Variants in SH3TC2 observed in about 807,000 individuals in gnomAD.
The protein encoded by SH3TC2 is SH3 domain and tetratricopeptide repeats 2.
SH3TC2 carries 87 observed loss-of-function variants against 124.5 expected under a neutral mutation model. That is an observed-to-expected ratio of 0.70 (90% CI 0.59 to 0.84). SH3TC2 has a LOEUF of 0.84. Among genes scored for constraint, SH3TC2 ranks in the 40% least tolerant of loss-of-function variants. The probability of loss-of-function intolerance (pLI) is 0.00; values close to 1 mark genes in which losing one functional copy is unlikely to be tolerated. For missense variants in SH3TC2, 1,536 were observed against 1,566.4 expected, an observed-to-expected ratio of 0.98 and a Z score of 0.33; for synonymous variants, 634 against 628.5, an observed-to-expected ratio of 1.01 and a Z score of -0.13.
Position 149,041,607 on chromosome 5 carries a change from G to A in SH3TC2, c.540C>T (p.Phe180=). The change falls in exon 6 of 17, where the codon TTC becomes TTT. Residue 180 remains phenylalanine (F), a synonymous_variant. Coordinates refer to ENST00000515425, the MANE Select transcript of SH3TC2 (RefSeq NM_024577.4). ...LGLLIQEGHF[F]CRALCSVTPP... ...GAGTCACGGAGCACAGGGCTCTGCA[G>A]AAGAAGTGGCCTGTGGATAATGAGA... The A allele has an allele frequency of 6.2e-7, 1 of 1,614,010 alleles. No individual in the cohort carries two copies. The highest frequency in any genetic ancestry group is 8.5e-7 in the Non-Finnish European group (1 of 1,179,850).
intron 1 of SH3TC2, among the ~76,000 whole-genome samples, chr5:149,053,128 G>A (rs567410713): frequency 3.3e-5 from 5 of 152,304 alleles, no homozygotes; most frequent in African/African-American, 1.2e-4. Flanking sequence ...ACCACTATTT[G>A]TGAGTCACTC....
At position 148,990,717 on chromosome 5, in the gene SH3TC2, T is replaced by C. The variant is rs2127388066; in HGVS notation, c.*13994A>G. On this transcript the variant is annotated 3_prime_UTR_variant, in exon 17 of 17. Transcript: ENST00000515425. ...GCATTCAAAGAATTTAATCCAATGC[T>C]TTATACACCATAAATGCTCAGTAAA... 6.6e-6 allele frequency among the ~76,000 whole-genome samples: 1 copy of C among 152,346 alleles called. No individual in the cohort carries two copies. Among genetic ancestry groups the C allele is most frequent in the African/African-American group, 2.4e-5 (1 of 41,572 alleles).
chr5:148,986,029 C>T lies in SH3TC2; in HGVS notation c.*18682G>A, dbSNP rs990217369. Among the ~76,000 whole-genome samples, 4 of 152,102 alleles carry T rather than the reference C, an allele frequency of 2.6e-5. No homozygotes were observed. Among genetic ancestry groups the T allele is most frequent in the Non-Finnish European group, 4.4e-5 (3 of 68,022 alleles). On this transcript the variant is annotated 3_prime_UTR_variant, in exon 17 of 17. Coordinates refer to ENST00000515425, the MANE Select transcript of SH3TC2 (RefSeq NM_024577.4). ...TTTGAAAAACACATAAATGCAGAATCTTGGTGTTTAAAAGGAAATTAGAAC... is the reference window on the plus strand; with the variant it reads ...TTTGAAAAACACATAAATGCAGAATTTTGGTGTTTAAAAGGAAATTAGAAC...
rs1437191788 is a variant in SH3TC2, at chr5:149,027,176, C to A, written c.2556G>T (p.Val852=). 1.2e-6 allele frequency: 2 copies of A among 1,614,070 alleles called. No individual in the cohort carries two copies. Among genetic ancestry groups the A allele is most frequent in the Non-Finnish European group, 1.7e-6 (2 of 1,180,046 alleles). The stretch of plus-strand genomic sequence containing the variant: ...GAAGATAGCTCTTGGCTGCCCTGTT[C>A]ACCCGGCCTTCACCTTGGAGTGCAA... ...LGLALQGEGR[V]NRAAKSYLRA... Residue 852 remains valine, a synonymous_variant, in exon 11 of 17, where the codon GTG becomes GTT. Coordinates refer to ENST00000515425, the MANE Select transcript of SH3TC2 (RefSeq NM_024577.4).
intron 15 of SH3TC2, 166 bp downstream of exon 15, chr5:149,008,685 C>T (rs1753731881): frequency 2.2e-6 from 2 of 899,942 alleles, no homozygotes; most frequent in Non-Finnish European, 3.6e-6. Context: ...AAGCTTGAGG[C>T]TTATAGAAGT....
chr5:149,045,223 T>C (rs1052430183), intron 3 of SH3TC2: 1 of 152,662 alleles, frequency 6.6e-6, no homozygotes. Context: ...CTATTTCACA[T>C]ATATAGAATC....
intron 13 of SH3TC2, among the ~76,000 whole-genome samples, chr5:149,012,184 A>G (rs747604350): frequency 6.6e-6 from 1 of 152,210 alleles, no homozygotes; most frequent in Non-Finnish European, 1.5e-5. Flanking sequence ...AAACAAAAAA[A>G]TAAGAGAATA....
At position 148,986,893 on chromosome 5, in the gene SH3TC2, T is replaced by A. The variant is rs183842928; in HGVS notation, c.*17818A>T. On this transcript the variant is annotated 3_prime_UTR_variant, in exon 17 of 17. Coordinates refer to ENST00000515425, the MANE Select transcript of SH3TC2 (RefSeq NM_024577.4). ...AGTTACACCCAAAAAATGCTGAGAT[T>A]ATTTAACAATGCAATAATATGAGGT... 6.6e-6 allele frequency among the ~76,000 whole-genome samples: 1 copy of A among 152,356 alleles called. No individual in the cohort carries two copies. Among genetic ancestry groups the A allele is most frequent in the East Asian group, 1.9e-4 (1 of 5,184 alleles).
intron 12 of SH3TC2, among the ~76,000 whole-genome samples, chr5:149,023,511 A>G (rs996095694): frequency 6.6e-5 from 10 of 151,992 alleles, no homozygotes; most frequent in African/African-American, 2.4e-4. Context: ...TTACTTCAGG[A>G]AAGTATCAAG....
intron 15 of SH3TC2, chr5:149,008,272 T>C (rs1288647462): frequency 6.3e-6 from 1 of 158,390 alleles, no homozygotes; most frequent in Non-Finnish European, 1.4e-5. Context: ...TTTTTTATTC[T>C]GCCATTTATC....
chr5:149,012,779 C>A, intron 12 of SH3TC2, 45 bp from the exon 13 acceptor site: 5 of 1,609,378 alleles, frequency 3.1e-6, no homozygotes, highest in Non-Finnish European at 4.2e-6. Flanking sequence ...CTCAAAGGGG[C>A]CTTAGGGTCC....
At chr5:149,024,992 C>G (rs1268868337) in intron 12 of SH3TC2, among the ~76,000 whole-genome samples, 1 of 152,136 alleles carries the variant, frequency 6.6e-6, no homozygotes, top group Non-Finnish European at 1.5e-5. Flanking sequence ...GTGCCAATAG[C>G]CTGACACATA....
intron 1 of SH3TC2, among the ~76,000 whole-genome samples, chr5:149,061,937 G>A (rs544593899): frequency 5.3e-5 from 8 of 152,204 alleles, no homozygotes; most frequent in African/African-American, 1.9e-4. Flanking sequence ...AGGTGCCAAG[G>A]TGCCTAGATC....
Position 149,028,068 on chromosome 5 carries a change from A to T in SH3TC2, c.1664T>A (p.Ile555Asn). The part of the protein sequence containing the change: ...SQARVYFEEA[I>N]HILNGAFEDL... ...CTCAAATGCTCCATTGAGAATGTGG[A>T]TGGCCTCCTCGAAGTACACCCTGGC... Residue 555 changes from isoleucine to asparagine, a missense_variant, in exon 11 of 17, where the codon ATC becomes AAC. Around this residue, in one of 3 missense-constraint regions of SH3TC2, gnomAD observed 1,102 missense variants for 1,098.6 expected, o/e 1.00. Coordinates refer to ENST00000515425, the MANE Select transcript of SH3TC2 (RefSeq NM_024577.4). The T allele has an allele frequency of 6.2e-7, 1 of 1,614,088 alleles. No individual in the cohort carries two copies. The highest frequency in any genetic ancestry group is 1.1e-5 in the South Asian group (1 of 91,082).
At chr5:149,040,567 T>C (rs772386004) in intron 7 of SH3TC2, 37 bp downstream of exon 7, 5 of 1,572,168 alleles carry the variant, frequency 3.2e-6, no homozygotes, top group Admixed American at 3.3e-5. Flanking sequence ...GACAACATTA[T>C]CTCCCTAACA....
In SH3TC2 at chr5:149,042,730, G is replaced by A. The variant is rs905893713; in HGVS notation, c.493C>T (p.Leu165=). 1.2e-6 allele frequency: 2 copies of A among 1,614,004 alleles called. No individual in the cohort carries two copies. Among genetic ancestry groups the A allele is most frequent in the Non-Finnish European group, 8.5e-7 (1 of 1,180,030 alleles). ...AGGAGTCCCAGGTATATTGTTTCCA[G>A]GTGTTTATCATCTACAGACACTTGG... ...EIQVSVDDKH[L]ETIYLGLLIQ... is the part of the protein sequence containing the mutation. Residue 165 remains leucine, a synonymous_variant, in exon 5 of 17, where the codon CTG becomes TTG. Coordinates refer to ENST00000515425, the MANE Select transcript of SH3TC2 (RefSeq NM_024577.4).
At position 149,004,428 on chromosome 5, in the gene SH3TC2, T is replaced by C. The variant is rs1281560280; in HGVS notation, c.*283A>G. The C allele has an allele frequency of 2.3e-6, 1 of 439,974 alleles. No homozygotes were observed. The highest frequency in any genetic ancestry group is 4.1e-6 in the Non-Finnish European group (1 of 243,176). 27.3% of individuals were successfully genotyped at this position (439,974 alleles called of 1,614,324 possible). A position where few individuals can be genotyped will look rare whatever the true frequency, so the allele number is the denominator to read the frequency against. ...ATCCCTCATCTTCTCCAGAATTATG[T>C]ATGGAGAAAGTGCTTTTCAGAGGCT... On this transcript the variant is annotated 3_prime_UTR_variant, in exon 17 of 17. Transcript: ENST00000515425.
At chr5:149,058,319 G>T (rs372113209) in intron 1 of SH3TC2, among the ~76,000 whole-genome samples, 1 of 152,176 alleles carries the variant, frequency 6.6e-6, no homozygotes, top group South Asian at 2.1e-4. Context: ...AGCAATGTGT[G>T]AGAGTTCTAG....
Position 148,983,828 on chromosome 5 carries a change from A to G in SH3TC2, c.*20883T>C, listed in dbSNP as rs1753290725. ...CAGTCAAACACAGGGGAGAGGGAAG[A>G]TAAGATGTAAACTTCTGGTCACCAC... is the stretch of plus-strand genomic sequence containing the variant. On this transcript the variant is annotated 3_prime_UTR_variant, in exon 17 of 17. Coordinates refer to ENST00000515425, the MANE Select transcript of SH3TC2 (RefSeq NM_024577.4). Among the ~76,000 whole-genome samples, 1 of 152,204 alleles carries G rather than the reference A, an allele frequency of 6.6e-6. No individual in the cohort carries two copies. The highest frequency in any genetic ancestry group is 1.5e-5 in the Non-Finnish European group (1 of 68,026).
Sources: allele counts gnomAD v4.1 joint callset (sites outside exome capture counted in the v4.1 genomes callset), GRCh38; gene constraint gnomAD v4.1.1; regional missense constraint gnomAD v4.1.1; transcripts MANE v1.5; gene names NCBI Gene and HGNC (gene_info 2026-07-23, HGNC 2026-07-21).